DYNC1LI2: variants seen among roughly 807,000 people sequenced by gnomAD.
The protein encoded by DYNC1LI2 is dynein cytoplasmic 1 light intermediate chain 2.
In DYNC1LI2, 19 loss-of-function variants were observed where a neutral mutation model predicts 57.8. The ratio of observed to expected loss-of-function variants is 0.33; its 90% CI spans 0.23 to 0.48. DYNC1LI2 has a LOEUF of 0.48. DYNC1LI2 is among the 20% of genes least tolerant of loss of function. The pLI is 0.99. For synonymous variants in DYNC1LI2, 256 were observed against 233.4 expected (o/e 1.10, Z -0.88); for missense variants, 470 against 604.2 (o/e 0.78, Z 2.33).
At position 66,729,032 on chromosome 16, in the gene DYNC1LI2, C is replaced by G; in HGVS notation, c.1101+8G>C. On this transcript the variant is annotated splice_region_variant and intron_variant, in intron 9 of 12. Transcript: ENST00000258198. ...AGGCCTCTGTTCTAACCTCACTGGT[C>G]TTCTTACCTGTTGCTTCATTAGGAA... is the stretch of plus-strand genomic sequence containing the variant. 1 of 1,614,160 alleles carries G rather than the reference C, an allele frequency of 6.2e-7. No homozygotes were observed. The highest frequency in any genetic ancestry group is 8.5e-7 in the Non-Finnish European group (1 of 1,180,016).
chr16:66,750,640 T>G (rs535486481), intron 2 of DYNC1LI2, among the ~76,000 whole-genome samples: 1 of 152,182 alleles, frequency 6.6e-6, no homozygotes, highest in Non-Finnish European at 1.5e-5. Flanking sequence ...GATTCTTCTA[T>G]AGTGTTTAAG....
intron 5 of DYNC1LI2, 24 bp from the exon 6 acceptor site, chr16:66,734,335 A>T: frequency 6.2e-7 from 1 of 1,611,690 alleles, no homozygotes; most frequent in Middle Eastern, 1.7e-4. Flanking sequence ...AGACAGAGTC[A>T]CCTTTTTGCT....
chr16:66,728,296 A>C (rs537118585), intron 9 of DYNC1LI2, 54 bp from the exon 10 acceptor site: 2 of 1,606,134 alleles, frequency 1.2e-6, no homozygotes, highest in Admixed American at 3.4e-5. Context: ...AGAGCACTGA[A>C]GGTCTAGAGA....
In DYNC1LI2 at chr16:66,751,221, C is replaced by CCA. The variant is rs1231877361; in HGVS notation, c.181+51_181+52insTG. ...AGGCGGGGACCTGAGGGAGGGGCGC[C>CCA]CGCCTCGCCCACCCCAGCGACCTGG... On this transcript the variant is annotated intron_variant, in intron 2 of 12. Coordinates refer to ENST00000258198, the MANE Select transcript of DYNC1LI2 (RefSeq NM_006141.3). The surrounding 1 kb of genome is among the most constrained non-coding windows in gnomAD (Gnocchi z 5.2). The CCA allele has an allele frequency of 4.4e-5, 69 of 1,581,206 alleles. No individual in the cohort carries two copies. Among genetic ancestry groups the CCA allele is most frequent in the Non-Finnish European group, 5.5e-5 (64 of 1,161,906 alleles).
At chr16:66,746,927 C>T (rs1317776240) in intron 3 of DYNC1LI2, among the ~76,000 whole-genome samples, 2 of 152,264 alleles carry the variant, frequency 1.3e-5, no homozygotes, top group Admixed American at 6.5e-5. Context: ...TCCACAGTAA[C>T]CACACTGTCC....
intron 4 of DYNC1LI2, among the ~76,000 whole-genome samples, chr16:66,741,934 CTAACTAAAATCG>C (rs1239256147): frequency 6.5e-5 from 9 of 137,936 alleles, no homozygotes; most frequent in African/African-American, 2.4e-4. Flanking sequence ...CCTCCTATTT[CTAACTAAAATCG>C]TATTTTGCTG....
rs775915248 is a variant in DYNC1LI2, at chr16:66,751,328, T to C, written c.126A>G (p.Glu42=). 15 of 1,611,992 alleles carry C rather than the reference T, an allele frequency of 9.3e-6. No individual in the cohort carries two copies. Among genetic ancestry groups the C allele is most frequent in the Admixed American group, 3.3e-5 (2 of 59,948 alleles). ...GQSLWSSILS[E]VSTRARSKLP... is the part of the protein sequence containing the mutation. ...GCTTGGACCTGGCGCGGGTGGACAC[T>C]TCGCTCAGAATGGAGGACCTGTGGC... is the stretch of plus-strand genomic sequence containing the variant. The change falls in exon 2 of 13, where the codon GAA becomes GAG. Residue 42 remains glutamate, a synonymous_variant. Coordinates refer to ENST00000258198, the MANE Select transcript of DYNC1LI2 (RefSeq NM_006141.3). The surrounding 1 kb of genome is among the most constrained non-coding windows in gnomAD (Gnocchi z 5.2).
intron 2 of DYNC1LI2, among the ~76,000 whole-genome samples, chr16:66,750,088 G>A (rs1386170504): frequency 6.6e-6 from 1 of 152,136 alleles, no homozygotes; most frequent in Non-Finnish European, 1.5e-5. Context: ...ACCTTATTCA[G>A]GCCCTCTGCA....
chr16:66,751,153 G>A lies in DYNC1LI2; in HGVS notation c.181+120C>T, dbSNP rs1287784414. On this transcript the variant is annotated intron_variant, in intron 2 of 12. Transcript: ENST00000258198. The surrounding 1 kb of genome is among the most constrained non-coding windows in gnomAD (Gnocchi z 5.2). Reference sequence around the variant, plus strand: ...TCCAGCTGACCGGCCAGGGCCGACGGTCCCTTTCCCGCCAGGCTGCGGGCA... The same window carrying A: ...TCCAGCTGACCGGCCAGGGCCGACGATCCCTTTCCCGCCAGGCTGCGGGCA... 38 of 1,193,174 alleles carry A rather than the reference G, an allele frequency of 3.2e-5. No individual in the cohort carries two copies. Among genetic ancestry groups the A allele is most frequent in the East Asian group, 2.7e-5 (1 of 37,726 alleles). 73.9% of individuals were successfully genotyped at this position (1,193,174 alleles called of 1,614,324 possible). A position where few individuals can be genotyped will look rare whatever the true frequency, so the allele number is the denominator to read the frequency against.
rs559949376 is a variant in DYNC1LI2, at chr16:66,749,405, AT to A, written c.182-93del. 5.1e-5 allele frequency: 64 copies of A among 1,250,534 alleles called. 1 individual carries two copies. In the East Asian group the frequency reaches 9.8e-4, roughly 19 times the overall value. 77.5% of individuals were successfully genotyped at this position (1,250,534 alleles called of 1,614,324 possible). A position where few individuals can be genotyped will look rare whatever the true frequency, so the allele number is the denominator to read the frequency against. Reference sequence around the variant, plus strand: ...CTCACATGACACGGAGAAACTAAGAATTTCATGCAAAGTCTGCTGTTGAAGT... The same window carrying A: ...CTCACATGACACGGAGAAACTAAGAATTCATGCAAAGTCTGCTGTTGAAGT... On this transcript the variant is annotated intron_variant, in intron 2 of 12. Coordinates refer to ENST00000258198, the MANE Select transcript of DYNC1LI2 (RefSeq NM_006141.3).
In DYNC1LI2 at chr16:66,750,484, T is replaced by C. The variant is rs184911899; in HGVS notation, c.181+789A>G. ...TTCCAAACCCCACACCCTCTTGTCA[T>C]CTGTGTCCCTGCATACTGACACTTT... On this transcript the variant is annotated intron_variant, in intron 2 of 12. Transcript: ENST00000258198. Among the ~76,000 whole-genome samples the C allele has an allele frequency of 7.9e-5, 12 of 152,330 alleles. No individual in the cohort carries two copies. The East Asian group carries it at 2.1e-3, about 27-fold the overall frequency.
chr16:66,738,654 A>C (rs959522222), intron 4 of DYNC1LI2, among the ~76,000 whole-genome samples: 4 of 151,794 alleles, frequency 2.6e-5, no homozygotes, highest in Admixed American at 1.3e-4. Context: ...AGGCGGGTGG[A>C]TCATGAGGTC....
intron 7 of DYNC1LI2, chr16:66,730,548 CT>C (rs2017617722): frequency 1.0e-5 from 2 of 195,074 alleles, no homozygotes; most frequent in African/African-American, 4.6e-5. Flanking sequence ...CAGTGGGGTC[CT>C]GTTCCGACAG....
chr16:66,732,541 C>T, intron 6 of DYNC1LI2, 67 bp from the exon 7 acceptor site: 1 of 1,540,802 alleles, frequency 6.5e-7, no homozygotes, highest in South Asian at 1.2e-5. Context: ...CATACAACCT[C>T]AAAGTACTAC....
Position 66,736,176 on chromosome 16 carries a change from G to C in DYNC1LI2, c.598C>G (p.Pro200Ala). 1 of 1,613,978 alleles carries C rather than the reference G, an allele frequency of 6.2e-7. No individual in the cohort carries two copies. Among genetic ancestry groups the C allele is most frequent in the East Asian group, 2.2e-5 (1 of 44,864 alleles). ...TCTTCATCGGAGCCTGAGGTCAGAG[G>C]GCCTCTTCTCTGTGGGGAACCTTGA... ...GCQGSPQRRG[P>A]LTSGSDEENV... Residue 200 changes from proline to alanine, a missense_variant, in exon 5 of 13, where the codon CCT (proline) becomes GCT (alanine). Coordinates refer to ENST00000258198, the MANE Select transcript of DYNC1LI2 (RefSeq NM_006141.3).
At chr16:66,736,991 A>G (rs1439076799) in intron 4 of DYNC1LI2, among the ~76,000 whole-genome samples, 1 of 152,126 alleles carries the variant, frequency 6.6e-6, no homozygotes, top group Non-Finnish European at 1.5e-5. Context: ...ATGCCTAATG[A>G]GCTGGGCACA....
At chr16:66,735,541 C>T (rs1039304841) in intron 5 of DYNC1LI2, among the ~76,000 whole-genome samples, 1 of 151,722 alleles carries the variant, frequency 6.6e-6, no homozygotes, top group African/African-American at 2.4e-5. Context: ...GAGTCTCGCT[C>T]TATCGCTCAG....
At position 66,729,275 on chromosome 16, in the gene DYNC1LI2, C is replaced by T. The variant is rs559864858; in HGVS notation, c.1042-176G>A. On this transcript the variant is annotated intron_variant, in intron 8 of 12. Transcript: ENST00000258198. The stretch of plus-strand genomic sequence containing the variant: ...GGCACAGACCTCTCCCAAAACCAGC[C>T]GCAGCATGTAGCCAACTGGCATTTT... Among the ~76,000 whole-genome samples the T allele has an allele frequency of 9.2e-5, 14 of 152,296 alleles. No homozygotes were observed. The South Asian group carries it at 2.1e-3, about 23-fold the overall frequency.
At chr16:66,737,991 C>T (rs192408778) in intron 4 of DYNC1LI2, among the ~76,000 whole-genome samples, 128 of 152,356 alleles carry the variant, frequency 8.4e-4, no homozygotes, top group Non-Finnish European at 1.5e-3. Context: ...CTCTCACCAA[C>T]ATGCTAAGTA....
Sources: gnomAD v4.1 joint callset for allele counts (sites outside exome capture counted in the v4.1 genomes callset) on GRCh38, gnomAD v4.1.1 for gene constraint, Gnocchi (gnomAD v3.1) non-coding constraint, MANE v1.5 for transcripts, NCBI Gene and HGNC (gene_info 2026-07-23, HGNC 2026-07-21) for gene names.